The following MICAL2 variants were observed in gnomAD, a reference collection of about 807,000 sequenced individuals.
MICAL2 encodes the protein microtubule associated monooxygenase, calponin and LIM domain containing 2, also known as [F-actin]-monooxygenase MICAL2.
Under a neutral mutation model 127.3 loss-of-function variants are expected in MICAL2, and 77 were observed. The ratio of observed to expected loss-of-function variants is 0.60; its 90% CI spans 0.50 to 0.73. The LOEUF is 0.73. Ranked by LOEUF, MICAL2 falls within the 30% of genes least tolerant of loss-of-function variation. MICAL2 has a pLI of 0.00. For synonymous variants in MICAL2, 570 were observed against 551.1 expected, an observed-to-expected ratio of 1.03 and a Z score of -0.48; for missense variants, 1,351 against 1,434.4, an observed-to-expected ratio of 0.94 and a Z score of 0.94.
intron 3 of MICAL2, among the ~76,000 whole-genome samples, chr11:12,186,228 C>A (rs949965722): frequency 6.6e-6 from 1 of 152,218 alleles, no homozygotes; most frequent in Non-Finnish European, 1.5e-5. Context: ...AGGAATGAAG[C>A]AAAGGTTAGA....
At chr11:12,163,280 G>A (rs1170820808) in intron 3 of MICAL2, among the ~76,000 whole-genome samples, 3 of 152,188 alleles carry the variant, frequency 2.0e-5, no homozygotes. Flanking sequence ...GGTGGCCGTT[G>A]GGGACTACCA....
chr11:12,275,540 C>T (rs1863715229), upstream of MICAL2, among the ~76,000 whole-genome samples: 2 of 152,134 alleles, frequency 1.3e-5, no homozygotes, highest in African/African-American at 4.8e-5. Context: ...TTGGGCAGGC[C>T]TTGCCATCCT....
At position 12,354,783 on chromosome 11, in the gene MICAL2, G is replaced by A. The variant is rs1201712783; in HGVS notation, c.5616-1G>A. On this transcript the variant is annotated splice_acceptor_variant, in intron 33 of 34. Transcript: ENST00000646065. LOFTEE classifies it high-confidence loss of function. Reference sequence around the variant, plus strand: ...TAAAATTTGAACATTTTCTCACCCAGGGCCCAGGAACTGGAATTAGAAGAT... The same window carrying A: ...TAAAATTTGAACATTTTCTCACCCAAGGCCCAGGAACTGGAATTAGAAGAT... The A allele has an allele frequency of 6.2e-7, 1 of 1,613,654 alleles. No individual in the cohort carries two copies. The highest frequency in any genetic ancestry group is 8.5e-7 in the Non-Finnish European group (1 of 1,179,870).
chr11:12,282,880 G>C (rs1461243143), intron 2 of MICAL2, among the ~76,000 whole-genome samples: 1 of 152,166 alleles, frequency 6.6e-6, no homozygotes, highest in African/African-American at 2.4e-5. Context: ...TGGAAGGTGA[G>C]GGCATGACAA....
chr11:12,313,456 C>T (rs1367158208), intron 29 of MICAL2, among the ~76,000 whole-genome samples: 1 of 152,136 alleles, frequency 6.6e-6, no homozygotes, highest in Non-Finnish European at 1.5e-5. Context: ...GTATTGATTT[C>T]TAGCTTAATT....
At chr11:12,270,093 G>A (rs952430701) in intron 24 of MICAL2, among the ~76,000 whole-genome samples, 11 of 152,182 alleles carry the variant, frequency 7.2e-5, no homozygotes, top group African/African-American at 1.2e-4. Flanking sequence ...CTCTGGCATC[G>A]ACTAGTCTCC....
In MICAL2 at chr11:12,110,940, C is replaced by T. The variant is rs1250029417; in HGVS notation, c.-149+214C>T. On this transcript the variant is annotated intron_variant, in intron 1 of 27. Coordinates refer to ENST00000683283, the MANE Select transcript of MICAL2 (RefSeq NM_001282663.2). This position sits in a 1 kb window ranked among gnomAD's most constrained non-coding sequence, Gnocchi z 4.5. ...GGGCGGCCCTGGCCGGCCTCTGAAC[C>T]AATTAGAACGCAATAAAAGCCTCCC... 6.6e-6 allele frequency among the ~76,000 whole-genome samples: 1 copy of T among 152,188 alleles called. No homozygotes were observed. Among genetic ancestry groups the T allele is most frequent in the African/African-American group, 2.4e-5 (1 of 41,452 alleles).
rs1241818878 is a variant in MICAL2 at position 12,239,597 on chromosome 11, C to G, written c.2214+12C>G. On this transcript the variant is annotated intron_variant, in intron 17 of 27. Transcript: ENST00000683283. ...CACTCATGAAGCAGGTGAGTCATGT[C>G]AAATACTCACTGGACCTAACTTCCT... The G allele has an allele frequency of 1.2e-6, 2 of 1,612,498 alleles. No homozygotes were observed. Among genetic ancestry groups the G allele is most frequent in the Non-Finnish European group, 1.7e-6 (2 of 1,179,384 alleles).
intron 2 of MICAL2, among the ~76,000 whole-genome samples, chr11:12,156,027 G>A (rs1854151071): frequency 6.6e-6 from 1 of 152,236 alleles, no homozygotes; most frequent in Non-Finnish European, 1.5e-5. Flanking sequence ...CTATTGAAAA[G>A]GAGTGGGGAA....
At chr11:12,148,336 C>A (rs1590073925) in intron 2 of MICAL2, among the ~76,000 whole-genome samples, 2 of 151,956 alleles carry the variant, frequency 1.3e-5, no homozygotes. Flanking sequence ...AGCCCAAATG[C>A]CTTTGGGAAT....
chr11:12,111,615 G>C (rs1269475247), intron 1 of MICAL2, among the ~76,000 whole-genome samples: 1 of 152,242 alleles, frequency 6.6e-6, no homozygotes, highest in Non-Finnish European at 1.5e-5. Context: ...TTCTTAAAGC[G>C]GAAAGAGCTT....
intron 3 of MICAL2, among the ~76,000 whole-genome samples, chr11:12,185,856 A>C (rs1858177457): frequency 6.6e-6 from 1 of 152,222 alleles, no homozygotes; most frequent in South Asian, 2.1e-4. Context: ...AACTGCTTCA[A>C]ATTGAATCCC....
chr11:12,327,305 C>A, intron 32 of MICAL2: 1 of 1,503,734 alleles, frequency 6.7e-7, no homozygotes, highest in South Asian at 1.2e-5. Context: ...TGGGCATGGT[C>A]TGAGAATAGT....
At chr11:12,334,136 C>T (rs929990086) in intron 32 of MICAL2, among the ~76,000 whole-genome samples, 3 of 152,160 alleles carry the variant, frequency 2.0e-5, no homozygotes, top group East Asian at 1.9e-4. Flanking sequence ...AAAAGACACT[C>T]ATTTGGAAAA....
At chr11:12,164,527 A>C (rs923906611) in intron 3 of MICAL2, among the ~76,000 whole-genome samples, 4 of 152,176 alleles carry the variant, frequency 2.6e-5, no homozygotes, top group Non-Finnish European at 5.9e-5. Flanking sequence ...TTAAGTCCTG[A>C]CCTTAACTTG....
chr11:12,308,606 C>T (rs940954105), intron 29 of MICAL2, among the ~76,000 whole-genome samples: 2 of 152,052 alleles, frequency 1.3e-5, no homozygotes, highest in African/African-American at 4.8e-5. Context: ...TTATATTGAC[C>T]TTACTAAACT....
chr11:12,223,006 A>C (rs754583868), intron 11 of MICAL2, among the ~76,000 whole-genome samples: 2 of 152,188 alleles, frequency 1.3e-5, no homozygotes, highest in Non-Finnish European at 2.9e-5. Context: ...ATGCATATGC[A>C]TTGCTGATCT....
At chr11:12,295,139 T>C (rs546361164), downstream of MICAL2, among the ~76,000 whole-genome samples, 483 of 83,034 alleles carry the variant, frequency 5.8e-3, 1 homozygote, top group African/African-American at 0.021. Context: ...CATAAAATTT[T>C]GTATCTTTTT....
At chr11:12,347,332 G>A (rs1052220434) in intron 32 of MICAL2, among the ~76,000 whole-genome samples, 4 of 152,088 alleles carry the variant, frequency 2.6e-5, no homozygotes, top group African/African-American at 9.7e-5. Context: ...CTAGCTCTTT[G>A]AGTCCCTGTG....
Sources: gnomAD v4.1 joint callset for allele counts (sites outside exome capture counted in the v4.1 genomes callset) on GRCh38, gnomAD v4.1.1 for gene constraint, Gnocchi (gnomAD v3.1) non-coding constraint, MANE v1.5 for transcripts, NCBI Gene and HGNC (gene_info 2026-07-23, HGNC 2026-07-21) for gene names.